The following NETO1 variants were observed in gnomAD, a reference collection of about 807,000 sequenced individuals.
The protein encoded by NETO1 is neuropilin and tolloid-like protein 1.
In NETO1, 26 loss-of-function variants were observed where a neutral mutation model predicts 61.3. The ratio of observed to expected loss-of-function variants is 0.42; its 90% CI spans 0.31 to 0.59. The LOEUF is 0.59. Ranked by LOEUF, NETO1 falls within the 20% of genes least tolerant of loss-of-function variation. The pLI is 0.12. For synonymous variants in NETO1, 225 were observed against 225.8 expected, an observed-to-expected ratio of 1.00 and a Z score of 0.03; for missense variants, 531 against 662.8, an observed-to-expected ratio of 0.80 and a Z score of 2.18.
intron 4 of NETO1, among the ~76,000 whole-genome samples, chr18:72,815,132 A>G (rs1162741587): frequency 1.3e-5 from 2 of 152,120 alleles, no homozygotes; most frequent in Non-Finnish European, 2.9e-5. Context: ...TGTTGGTATA[A>G]CTCAGTATTC....
intron 4 of NETO1, among the ~76,000 whole-genome samples, chr18:72,846,949 C>G (rs1029207061): frequency 6.6e-6 from 1 of 152,224 alleles, no homozygotes; most frequent in African/African-American, 2.4e-5. Context: ...AAAGGAAGTA[C>G]GCATTCCTTT....
In NETO1 at chr18:72,748,101, C is replaced by T. The variant is rs1469969206; in HGVS notation, c.*78G>A. On this transcript the variant is annotated 3_prime_UTR_variant, in exon 11 of 11. Coordinates refer to ENST00000327305, the MANE Select transcript of NETO1 (RefSeq NM_138966.5). ...TGGAATGAATTTAGAAATATGTCCA[C>T]TTTTCACAATTCACTATAGAATTTT... is the stretch of plus-strand genomic sequence containing the variant. 4.2e-6 allele frequency: 4 copies of T among 959,382 alleles called. No individual in the cohort carries two copies. In the African/African-American group the frequency reaches 7.1e-5, roughly 17 times the overall value. 59.4% of individuals were successfully genotyped at this position (959,382 alleles called of 1,614,324 possible). A position where few individuals can be genotyped will look rare whatever the true frequency, so the allele number is the denominator to read the frequency against.
chr18:72,758,535 T>G (rs1048753176), intron 7 of NETO1, among the ~76,000 whole-genome samples: 7 of 151,984 alleles, frequency 4.6e-5, no homozygotes, highest in Non-Finnish European at 4.4e-5. Flanking sequence ...AATCCTGATA[T>G]GGTTAAGAAG....
intron 4 of NETO1, among the ~76,000 whole-genome samples, chr18:72,853,638 A>G (rs1422555410): frequency 6.6e-6 from 1 of 151,816 alleles, no homozygotes; most frequent in African/African-American, 2.4e-5. Context: ...CATGCCTGGA[A>G]TCCCAGCTAC....
At chr18:72,791,490 A>G (rs1201306946) in intron 6 of NETO1, among the ~76,000 whole-genome samples, 1 of 152,192 alleles carries the variant, frequency 6.6e-6, no homozygotes, top group African/African-American at 2.4e-5. Flanking sequence ...CTTTAATTTA[A>G]CAGAGAAAGC....
At chr18:72,822,548 GAGAGAATTCGCTAGATA>G (rs1021181703) in intron 4 of NETO1, among the ~76,000 whole-genome samples, 1 of 152,196 alleles carries the variant, frequency 6.6e-6, no homozygotes, top group Non-Finnish European at 1.5e-5. Flanking sequence ...TTTGAAAAAC[GAGAGAATTCGCTAGATA>G]AGTTTAACTT....
chr18:72,853,141 T>C (rs1054265673), intron 4 of NETO1, among the ~76,000 whole-genome samples: 2 of 152,128 alleles, frequency 1.3e-5, no homozygotes, highest in African/African-American at 4.8e-5. Context: ...TGTCACACAT[T>C]GGTAATTTTC....
At chr18:72,797,998 T>TCATGTTATTA (rs1468933826) in intron 4 of NETO1, among the ~76,000 whole-genome samples, 1 of 152,214 alleles carries the variant, frequency 6.6e-6, no homozygotes, top group African/African-American at 2.4e-5. Context: ...TTTACCTCCC[T>TCATGTTATTA]CATGTTATTA....
chr18:72,833,102 A>G (rs535332346), intron 4 of NETO1, among the ~76,000 whole-genome samples: 43 of 152,316 alleles, frequency 2.8e-4, no homozygotes, highest in Non-Finnish European at 5.6e-4. Flanking sequence ...AATTCAACTT[A>G]AAGACTCCAT....
intron 4 of NETO1, among the ~76,000 whole-genome samples, chr18:72,848,485 T>C (rs1422857226): frequency 2.6e-5 from 4 of 152,186 alleles, no homozygotes; most frequent in Admixed American, 6.5e-5. Flanking sequence ...TCAAGAAATA[T>C]GTTACCGGCT....
intron 3 of NETO1, among the ~76,000 whole-genome samples, chr18:72,863,212 C>T (rs1366059880): frequency 6.6e-6 from 1 of 152,152 alleles, no homozygotes; most frequent in African/African-American, 2.4e-5. Flanking sequence ...GCTGTATTTT[C>T]CTCAGATTCT....
chr18:72,764,458 CCT>C (rs2145147177), intron 7 of NETO1, among the ~76,000 whole-genome samples: 1 of 152,148 alleles, frequency 6.6e-6, no homozygotes, highest in East Asian at 1.9e-4. Flanking sequence ...TGATTTTCCC[CCT>C]GCCTTCTCAG....
intron 4 of NETO1, among the ~76,000 whole-genome samples, chr18:72,842,469 C>A (rs1307984947): frequency 6.6e-6 from 1 of 151,880 alleles, no homozygotes; most frequent in Non-Finnish European, 1.5e-5. Flanking sequence ...GTCAATAATA[C>A]CATAATTAAG....
chr18:72,758,746 G>C (rs1008081988), intron 7 of NETO1, among the ~76,000 whole-genome samples: 1 of 152,062 alleles, frequency 6.6e-6, no homozygotes, highest in African/African-American at 2.4e-5. Context: ...TCAGGCAGGA[G>C]AATCACCTGA....
At chr18:72,845,938 A>G (rs540216460) in intron 4 of NETO1, among the ~76,000 whole-genome samples, 9 of 150,608 alleles carry the variant, frequency 6.0e-5, no homozygotes, top group Middle Eastern at 3.5e-3. Flanking sequence ...TAGAGACTGA[A>G]AAGTCTAGCA....
intron 7 of NETO1, among the ~76,000 whole-genome samples, chr18:72,770,338 T>C (rs1421077803): frequency 6.6e-6 from 1 of 152,126 alleles, no homozygotes; most frequent in Non-Finnish European, 1.5e-5. Flanking sequence ...GGTCAACTTT[T>C]CCATATTTAT....
chr18:72,859,738 A>G (rs138768578), intron 3 of NETO1, among the ~76,000 whole-genome samples: 1,694 of 152,260 alleles, frequency 0.011, 34 homozygotes, highest in African/African-American at 0.038. Flanking sequence ...CTAAGAAAGT[A>G]AGCTCCTTCA....
At chr18:72,865,570 T>C (rs1281098871) in intron 1 of NETO1, 2 of 1,607,102 alleles carry the variant, frequency 1.2e-6, no homozygotes, top group African/African-American at 1.3e-5. Flanking sequence ...GTATCTAAAC[T>C]ACCCTTAGGG....
intron 4 of NETO1, among the ~76,000 whole-genome samples, chr18:72,819,922 C>A (rs1415454331): frequency 1.3e-5 from 2 of 152,092 alleles, no homozygotes; most frequent in African/African-American, 2.4e-5. Flanking sequence ...TTTCTGTTAG[C>A]TCATTTTATT....
Sources: gnomAD v4.1 joint callset for allele counts (sites outside exome capture counted in the v4.1 genomes callset) on GRCh38, gnomAD v4.1.1 for gene constraint, MANE v1.5 for transcripts, NCBI Gene and HGNC (gene_info 2026-07-23, HGNC 2026-07-21) for gene names.